SEPTIN11: variants seen among roughly 807,000 people sequenced by gnomAD.
SEPTIN11 encodes the protein septin-11.
A neutral mutation model predicts 51.4 loss-of-function variants in SEPTIN11; 25 were observed. That is an observed-to-expected ratio of 0.49 (90% CI 0.35 to 0.68). The LOEUF (loss-of-function observed/expected upper bound fraction) is 0.68. Among genes scored for constraint, SEPTIN11 ranks in the 30% least tolerant of loss-of-function variants. SEPTIN11 has a pLI of 0.00. For missense variants in SEPTIN11, 381 were observed against 520.8 expected (o/e 0.73, Z 2.61); for synonymous variants, 174 against 184.1 (o/e 0.95, Z 0.44).
In SEPTIN11 at chr4:76,965,604, T is replaced by C. The variant is rs147792994; in HGVS notation, c.27+15674T>C. Among the ~76,000 whole-genome samples the C allele has an allele frequency of 5.8e-3, 884 of 151,980 alleles. 6 individuals carry two copies. The highest frequency in any genetic ancestry group is 0.021 in the African/African-American group (852 of 41,504). ...GAAATACTTATTTTAATATTTCTAT[T>C]TCTAAAAGAAACTTGTGTATCAAGT... is the stretch of plus-strand genomic sequence containing the variant. On this transcript the variant is annotated intron_variant, in intron 1 of 9. Coordinates refer to ENST00000264893, the MANE Select transcript of SEPTIN11 (RefSeq NM_018243.4).
In SEPTIN11 at chr4:77,020,396, C is replaced by T; in HGVS notation, c.785-106C>T. The T allele has an allele frequency of 2.2e-6, 3 of 1,371,174 alleles. 1 individual carries two copies. The Admixed American group carries it at 5.7e-5, about 26-fold the overall frequency. The allele number at this position is 1,371,174 out of a possible 1,614,324, so 84.9% of individuals were successfully genotyped here. ...GGATCTTCAGATGGTCTTGAGACCCCAGAGATTTCAGGAGTGATGGTAATA... is the reference window on the plus strand; with the variant it reads ...GGATCTTCAGATGGTCTTGAGACCCTAGAGATTTCAGGAGTGATGGTAATA... On this transcript the variant is annotated intron_variant, in intron 6 of 9. Transcript: ENST00000264893.
intron 1 of SEPTIN11, among the ~76,000 whole-genome samples, chr4:76,964,297 CAT>C (rs1491454972): frequency 6.9e-5 from 7 of 100,822 alleles, no homozygotes; most frequent in East Asian, 3.2e-4. Context: ...CTTGGCCAAT[CAT>C]TTTTTTTTTT....
At chr4:77,014,453 T>C (rs192971191) in intron 4 of SEPTIN11, among the ~76,000 whole-genome samples, 1 of 152,312 alleles carries the variant, frequency 6.6e-6, no homozygotes, top group East Asian at 1.9e-4. Context: ...AATAAGTTCC[T>C]TTGTTATCAC....
intron 4 of SEPTIN11, among the ~76,000 whole-genome samples, chr4:77,013,052 T>A (rs1724989287): frequency 6.6e-6 from 1 of 152,180 alleles, no homozygotes; most frequent in South Asian, 2.1e-4. Flanking sequence ...GGGGCAGACC[T>A]CCCTGTTCTC....
chr4:76,956,993 T>TGTGTGTGTGTGTGTGTGTGAGA (rs769320568), intron 1 of SEPTIN11, among the ~76,000 whole-genome samples: 14 of 98,484 alleles, frequency 1.4e-4, no homozygotes, highest in African/African-American at 4.3e-4. Context: ...TGTGTGTGTG[T>TGTGTGTGTGTGTGTGTGTGAGA]GAGAGAGAGA....
intron 1 of SEPTIN11, among the ~76,000 whole-genome samples, chr4:76,958,639 G>C (rs1721666468): frequency 6.6e-6 from 1 of 152,014 alleles, no homozygotes; most frequent in Middle Eastern, 3.2e-3. Context: ...AGCTACTTTG[G>C]ATGTTTTAAA....
chr4:76,975,734 G>A (rs1560703317), intron 1 of SEPTIN11, among the ~76,000 whole-genome samples: 2 of 152,156 alleles, frequency 1.3e-5, no homozygotes, highest in African/African-American at 2.4e-5. Flanking sequence ...GGTTCTTGGG[G>A]AGGACCCAAG....
chr4:77,005,839 T>G, intron 3 of SEPTIN11, 43 bp downstream of exon 3: 1 of 1,556,990 alleles, frequency 6.4e-7, no homozygotes, highest in Non-Finnish European at 8.8e-7. Context: ...GATGAGGAGA[T>G]AGCAGGATCC....
At chr4:76,988,023 G>A (rs1723137270) in intron 1 of SEPTIN11, among the ~76,000 whole-genome samples, 1 of 152,170 alleles carries the variant, frequency 6.6e-6, no homozygotes, top group Non-Finnish European at 1.5e-5. Flanking sequence ...CTTGAAACCT[G>A]AGTTCTGATA....
At position 77,036,575 on chromosome 4, in the gene SEPTIN11, T is replaced by C; in HGVS notation, c.*2063T>C. 7.0e-7 allele frequency: 1 copy of C among 1,424,054 alleles called. No homozygotes were observed. The highest frequency in any genetic ancestry group is 9.1e-7 in the Non-Finnish European group (1 of 1,097,112). The allele number at this position is 1,424,054 out of a possible 1,614,324, so 88.2% of individuals were successfully genotyped here. ...AGATTATTGATTGGATTGACTTTTT[T>C]GCATTAAATTTTTCCCAGCAAAATA... On this transcript the variant is annotated 3_prime_UTR_variant, in exon 10 of 10. Transcript: ENST00000264893.
At chr4:76,949,989 C>G in intron 1 of SEPTIN11, 59 bp downstream of exon 1, 2 of 1,383,708 alleles carry the variant, frequency 1.4e-6, no homozygotes, top group Non-Finnish European at 1.9e-6. Flanking sequence ...TGCTCTGGGG[C>G]GGGTGCGGTG....
chr4:77,036,435 T>C lies in SEPTIN11; in HGVS notation c.*1923T>C. 8.5e-7 allele frequency: 1 copy of C among 1,180,626 alleles called. No homozygotes were observed. Among genetic ancestry groups the C allele is most frequent in the Non-Finnish European group, 1.1e-6 (1 of 949,186 alleles). The allele number at this position is 1,180,626 out of a possible 1,614,324, so 73.1% of individuals were successfully genotyped here. ...ATGCTTGTTCCAACCACCGCTTGTG[T>C]GAGCATTTTTGTGGCTTGTACAGAA... On this transcript the variant is annotated 3_prime_UTR_variant, in exon 10 of 10. Coordinates refer to ENST00000264893, the MANE Select transcript of SEPTIN11 (RefSeq NM_018243.4).
Position 76,990,992 on chromosome 4 carries a change from A to G in SEPTIN11, c.28-5433A>G, listed in dbSNP as rs147865122. Among the ~76,000 whole-genome samples the G allele has an allele frequency of 3.1e-3, 469 of 152,268 alleles. 3 individuals are homozygous for G. The highest frequency in any genetic ancestry group is 0.01 in the African/African-American group (423 of 41,538). On this transcript the variant is annotated intron_variant, in intron 1 of 9. Coordinates refer to ENST00000264893, the MANE Select transcript of SEPTIN11 (RefSeq NM_018243.4). ...GGATTTTCTTCAGGCTAGAATCATC[A>G]TTCTCGTTTTTTATTTCTTTCTGTT...
In SEPTIN11 at chr4:77,019,243, C is replaced by T; in HGVS notation, c.766C>T (p.Pro256Ser). ...CAAGATGGCAAAGGCCAGGCAGTAC[C>T]CCTGGGGTGTGGTGCAGGGTATGTG... ...GNKMAKARQY[P>S]WGVVQVENEN... Residue 256 changes from proline (P) to serine (S), a missense_variant, in exon 6 of 10, where the codon CCC becomes TCC. Physicochemically the swap from Pro to Ser is moderately conservative, Grantham distance 74 (BLOSUM62 -1). Transcript: ENST00000264893. 1 of 1,612,722 alleles carries T rather than the reference C, an allele frequency of 6.2e-7. No homozygotes were observed. Among genetic ancestry groups the T allele is most frequent in the Non-Finnish European group, 8.5e-7 (1 of 1,179,540 alleles).
downstream of SEPTIN11, chr4:77,039,567 T>C: frequency 1.0e-6 from 1 of 985,376 alleles, no homozygotes; most frequent in Non-Finnish European, 1.2e-6. Flanking sequence ...ATCAGGATCC[T>C]CAACCGTCAG....
intron 2 of SEPTIN11, among the ~76,000 whole-genome samples, chr4:76,997,555 A>G (rs886477200): frequency 6.6e-6 from 1 of 152,192 alleles, no homozygotes; most frequent in South Asian, 2.1e-4. Flanking sequence ...GAAAGCCACA[A>G]TTGGCAGGCA....
chr4:76,970,081 T>A (rs1722179550), intron 1 of SEPTIN11, among the ~76,000 whole-genome samples: 1 of 152,142 alleles, frequency 6.6e-6, no homozygotes. Context: ...CTTCCTACAA[T>A]CTCCATTAGG....
intron 9 of SEPTIN11, among the ~76,000 whole-genome samples, chr4:77,032,568 GTGTGTGTGTGTT>G (rs886471698): frequency 2.0e-5 from 3 of 151,980 alleles, no homozygotes; most frequent in African/African-American, 7.2e-5. Flanking sequence ...GTATGTGTCT[GTGTGTGTGTGTT>G]TGTGTGTGTG....
chr4:76,993,286 G>A (rs566650024), intron 1 of SEPTIN11, among the ~76,000 whole-genome samples: 1 of 152,230 alleles, frequency 6.6e-6, no homozygotes, highest in African/African-American at 2.4e-5. Context: ...CAAGTTTGAA[G>A]TACAGATGGG....
Sources: allele counts gnomAD v4.1 joint callset (sites outside exome capture counted in the v4.1 genomes callset), GRCh38; gene constraint gnomAD v4.1.1; transcripts MANE v1.5; gene names NCBI Gene and HGNC (gene_info 2026-07-23, HGNC 2026-07-21).